The following MMP26 variants were observed in gnomAD, a reference collection of about 807,000 sequenced individuals.
The protein encoded by MMP26 is matrix metallopeptidase 26.
Under a neutral mutation model 31.0 loss-of-function variants are expected in MMP26, and 33 were observed. The ratio of observed to expected loss-of-function variants is 1.06; its 90% CI spans 0.81 to 1.42. MMP26 has a LOEUF of 1.42. Among genes scored for constraint, MMP26 ranks in the 40% most tolerant of loss-of-function variants. The probability of loss-of-function intolerance (pLI) is 0.00; values close to 1 mark genes in which losing one functional copy is unlikely to be tolerated. For missense variants in MMP26, 347 were observed against 316.1 expected, an observed-to-expected ratio of 1.10 and a Z score of -0.74; for synonymous variants, 122 against 114.9, an observed-to-expected ratio of 1.06 and a Z score of -0.40.
intron 1 of MMP26, among the ~76,000 whole-genome samples, chr11:4,720,796 C>G (rs1420982841): frequency 6.6e-6 from 1 of 152,186 alleles, no homozygotes; most frequent in Non-Finnish European, 1.5e-5. Flanking sequence ...AAGGGGACTT[C>G]CCCGCTCGCT....
At chr11:4,823,413 A>G (rs908695844) in intron 2 of MMP26, among the ~76,000 whole-genome samples, 2 of 152,150 alleles carry the variant, frequency 1.3e-5, no homozygotes, top group African/African-American at 4.8e-5. Context: ...ATTAACAACC[A>G]AGAGTACTAC....
In MMP26 at chr11:4,990,647, A is replaced by G. The variant is rs753809997; in HGVS notation, c.370A>G (p.Ile124Val). 1.2e-6 allele frequency: 2 copies of G among 1,614,102 alleles called. No homozygotes were observed. The highest frequency in any genetic ancestry group is 8.5e-7 in the Non-Finnish European group (1 of 1,179,958). ...GAAGCCATCCGCAGTGAAAGACAGT[A>G]TATATAATGCAGTTTCCATCTGGAG... ...DMKPSAVKDSIYNAVSIWSNV... is the reference protein window; with the variant it reads ...DMKPSAVKDSVYNAVSIWSNV... Residue 124 changes from isoleucine to valine, a missense_variant, in exon 5 of 8, where the codon ATA (isoleucine) becomes GTA (valine). Coordinates refer to ENST00000380390, the MANE Select transcript of MMP26 (RefSeq NM_021801.5).
At chr11:4,924,214 C>G (rs762848920) in intron 2 of MMP26, 4 of 1,614,114 alleles carry the variant, frequency 2.5e-6, no homozygotes, top group Non-Finnish European at 3.4e-6. Flanking sequence ...TGAGGTTCCC[C>G]AAGATAACTG....
chr11:4,712,138 T>TA (rs1283907855), intron 1 of MMP26: 1 of 152,190 alleles, frequency 6.6e-6, no homozygotes, highest in Non-Finnish European at 1.5e-5. Context: ...GAATTAAATT[T>TA]ATTTTTATAT....
intron 2 of MMP26, chr11:4,875,220 T>C (rs1343960532): frequency 6.6e-6 from 1 of 151,972 alleles, no homozygotes; most frequent in Non-Finnish European, 1.5e-5. Context: ...GACAGAGAAA[T>C]CTAATTGCAT....
chr11:4,831,407 T>C lies in MMP26; in HGVS notation c.-145+64066T>C, dbSNP rs11825564. 2.9e-3 allele frequency among the ~76,000 whole-genome samples: 437 copies of C among 152,340 alleles called. 2 individuals are homozygous for C. Among genetic ancestry groups the C allele is most frequent in the African/African-American group, 9.8e-3 (408 of 41,580 alleles). ...TTGCTACCAGACTTGAAGATCTCTC[T>C]GAGGTTTTGAGCCTATCTTTTTCTG... is the stretch of plus-strand genomic sequence containing the variant. On this transcript the variant is annotated intron_variant, in intron 2 of 7. Transcript: ENST00000380390.
At chr11:4,706,680 A>G (rs1402396514) in intron 1 of MMP26, among the ~76,000 whole-genome samples, 4 of 152,162 alleles carry the variant, frequency 2.6e-5, no homozygotes, top group Non-Finnish European at 5.9e-5. Context: ...AGTATTGTTA[A>G]CTATAAGTAA....
At chr11:4,717,210 A>G (rs944859638) in intron 1 of MMP26, among the ~76,000 whole-genome samples, 1 of 152,182 alleles carries the variant, frequency 6.6e-6, no homozygotes, top group Non-Finnish European at 1.5e-5. Flanking sequence ...TTGTTTGCAC[A>G]TTTGTTTTCT....
chr11:4,737,929 G>C (rs975381722), intron 1 of MMP26, among the ~76,000 whole-genome samples: 5 of 152,104 alleles, frequency 3.3e-5, no homozygotes, highest in African/African-American at 1.2e-4. Context: ...AACTCCTCTT[G>C]TCTCAGTTTC....
At chr11:4,745,103 T>G (rs7128020) in intron 1 of MMP26, among the ~76,000 whole-genome samples, 6,831 of 152,204 alleles carry the variant, frequency 0.045, 486 homozygotes, top group African/African-American at 0.16. Flanking sequence ...AATTATAAAT[T>G]TTGACTAATA....
chr11:4,915,914 G>A (rs1157491524), intron 2 of MMP26, among the ~76,000 whole-genome samples: 1 of 152,150 alleles, frequency 6.6e-6, no homozygotes, highest in Non-Finnish European at 1.5e-5. Context: ...GAGCCAAACT[G>A]GGTGAGTTGG....
chr11:4,970,527 G>A (rs1490328153), intron 2 of MMP26, among the ~76,000 whole-genome samples: 2 of 152,212 alleles, frequency 1.3e-5, no homozygotes, highest in Non-Finnish European at 2.9e-5. Context: ...GGGAGTTCAA[G>A]TGAGTATAGA....
At chr11:4,744,566 A>G (rs1305161697) in intron 1 of MMP26, among the ~76,000 whole-genome samples, 2 of 152,162 alleles carry the variant, frequency 1.3e-5, no homozygotes, top group Non-Finnish European at 2.9e-5. Flanking sequence ...AGCTCCCAGA[A>G]TAGAGGATAT....
chr11:4,942,089 CAAAAA>C lies in MMP26; in HGVS notation c.-144-45962_-144-45958del, dbSNP rs201626472. Reference sequence around the variant, plus strand: ...TGGGCAGCAGAATGAGAGTCCATCTCAAAAAAAAAAAAAAAAAAAAAGGAAGTAAA... The same window carrying C: ...TGGGCAGCAGAATGAGAGTCCATCTCAAAAAAAAAAAAAAAAGGAAGTAAA... On this transcript the variant is annotated intron_variant, in intron 2 of 7. Coordinates refer to ENST00000380390, the MANE Select transcript of MMP26 (RefSeq NM_021801.5). 7.5e-4 allele frequency among the ~76,000 whole-genome samples: 28 copies of C among 37,124 alleles called. 1 individual carries two copies. Among genetic ancestry groups the C allele is most frequent in the South Asian group, 4.3e-3 (3 of 700 alleles). The allele number at this position is 37,124 out of a possible 152,430, so 24.4% of individuals were successfully genotyped here. A position where few individuals can be genotyped will look rare whatever the true frequency, so the allele number is the denominator to read the frequency against.
At chr11:4,965,425 A>G (rs1246016497) in intron 2 of MMP26, among the ~76,000 whole-genome samples, 3 of 152,180 alleles carry the variant, frequency 2.0e-5, no homozygotes, top group African/African-American at 7.2e-5. Flanking sequence ...GTGGCTTTTA[A>G]ATGTCTGATT....
At chr11:4,921,677 T>C (rs1851186702) in intron 2 of MMP26, among the ~76,000 whole-genome samples, 1 of 152,242 alleles carries the variant, frequency 6.6e-6, no homozygotes, top group Non-Finnish European at 1.5e-5. Flanking sequence ...TTTAAAATAC[T>C]CGAGCCATTG....
At chr11:4,804,760 CAT>C in intron 2 of MMP26, 1 of 335,808 alleles carries the variant, frequency 3.0e-6, no homozygotes, top group South Asian at 2.4e-5. Context: ...GCCTGGCTGA[CAT>C]AGTGGAACCC....
chr11:4,947,655 A>G (rs1846332582), intron 2 of MMP26: 1 of 126,610 alleles, frequency 7.9e-6, no homozygotes, highest in African/African-American at 2.7e-5. Context: ...CTTATATATA[A>G]GGGCTTGTCT....
In MMP26 at chr11:4,977,153, CTTTG is replaced by C. The variant is rs1295481884; in HGVS notation, c.-144-10914_-144-10911del. 1.5e-3 allele frequency among the ~76,000 whole-genome samples: 225 copies of C among 151,628 alleles called. 3 individuals carry two copies. Among genetic ancestry groups the C allele is most frequent in the African/African-American group, 5.4e-3 (222 of 41,086 alleles). ...TTGCTCTTGTGTTACTCATATTTGT[CTTTG>C]ATAATGATGTTGTTGCACGTTGAAA... On this transcript the variant is annotated intron_variant, in intron 2 of 7. Transcript: ENST00000380390.
Sources: allele counts gnomAD v4.1 joint callset (sites outside exome capture counted in the v4.1 genomes callset), GRCh38; gene constraint gnomAD v4.1.1; transcripts MANE v1.5; gene names NCBI Gene and HGNC (gene_info 2026-07-23, HGNC 2026-07-21).